Variants in PTPN6 observed in about 807,000 individuals in gnomAD.
PTPN6 encodes protein tyrosine phosphatase non-receptor type 6.
Under a neutral mutation model 81.5 loss-of-function variants are expected in PTPN6, and 18 were observed. The observed-to-expected ratio is 0.22, with a 90% CI of 0.15 to 0.33. The LOEUF (loss-of-function observed/expected upper bound fraction) is 0.33, where lower values mean the gene tolerates loss of function less well. Ranked by LOEUF, PTPN6 falls within the 10% of genes least tolerant of loss-of-function variation. The pLI, the probability that PTPN6 is intolerant of heterozygous loss-of-function variation, is 1.00. For synonymous variants in PTPN6, 301 were observed against 310.9 expected, an observed-to-expected ratio of 0.97 and a Z score of 0.33; for missense variants, 500 against 794.2, an observed-to-expected ratio of 0.63 and a Z score of 4.45.
Position 6,951,821 on chromosome 12 carries a change from G to A in PTPN6, c.131+90G>A. On this transcript the variant is annotated intron_variant, in intron 2 of 15. Transcript: ENST00000318974. This position sits in a 1 kb window ranked among gnomAD's most constrained non-coding sequence, Gnocchi z 7.2. The stretch of plus-strand genomic sequence containing the variant: ...CACTCATTCCTGGTTCCCCGTGGCA[G>A]TGCTGACTCCCCGTCTGTTCCCTTG... 1 of 1,595,484 alleles carries A rather than the reference G, an allele frequency of 6.3e-7. No individual in the cohort carries two copies. The highest frequency in any genetic ancestry group is 8.5e-7 in the Non-Finnish European group (1 of 1,174,210).
rs1555147805 is a variant in PTPN6, at chr12:6,951,798, C to T, written c.131+67C>T. 1 of 1,601,784 alleles carries T rather than the reference C, an allele frequency of 6.2e-7. No homozygotes were observed. The highest frequency in any genetic ancestry group is 1.3e-5 in the African/African-American group (1 of 74,816). The stretch of plus-strand genomic sequence containing the variant: ...CTTGTGCCATCCAGGCCCTGAACCA[C>T]TCATTCCTGGTTCCCCGTGGCAGTG... On this transcript the variant is annotated intron_variant, in intron 2 of 15. Transcript: ENST00000318974. This position sits in a 1 kb window ranked among gnomAD's most constrained non-coding sequence, Gnocchi z 7.2.
rs1945991822 is a variant in PTPN6, at chr12:6,954,734, CTG to C, written c.327-68_327-67del. 2.0e-6 allele frequency: 3 copies of C among 1,493,970 alleles called. No individual in the cohort carries two copies. The highest frequency in any genetic ancestry group is 1.4e-5 in the African/African-American group (1 of 72,346). 92.5% of individuals were successfully genotyped at this position (1,493,970 alleles called of 1,614,324 possible). A position where few individuals can be genotyped will look rare whatever the true frequency, so the allele number is the denominator to read the frequency against. Reference sequence around the variant, plus strand: ...TAGGTGCTTGATTTCCGGCCCCTCTCTGTGAATGTCTCTGCTCAGCGCCTTCC... The same window carrying C: ...TAGGTGCTTGATTTCCGGCCCCTCTCTGAATGTCTCTGCTCAGCGCCTTCC... On this transcript the variant is annotated intron_variant, in intron 3 of 15. Transcript: ENST00000318974. The surrounding 1 kb of genome is among the most constrained non-coding windows in gnomAD (Gnocchi z 5.4).
chr12:6,948,565 A>T (rs782757509), upstream of PTPN6, among the ~76,000 whole-genome samples: 20 of 152,030 alleles, frequency 1.3e-4, no homozygotes, highest in Non-Finnish European at 2.9e-5. Flanking sequence ...AAAGAAAGGA[A>T]AGAAAAAGAA....
chr12:6,946,827 A>G, upstream of PTPN6: 1 of 1,391,666 alleles, frequency 7.2e-7, no homozygotes, highest in East Asian at 2.5e-5. Flanking sequence ...GACGTGTGTG[A>G]ACGTGAGTGC....
At position 6,955,455 on chromosome 12, in the gene PTPN6, A is replaced by G. The variant is rs782035997; in HGVS notation, c.717A>G (p.Thr239=). The G allele has an allele frequency of 9.3e-6, 15 of 1,613,916 alleles. No individual in the cohort carries two copies. The Admixed American group carries it at 1.5e-4, about 16-fold the overall frequency. ...ELNKKQESED[T]AKAGFWEEFE... is the part of the protein sequence containing the mutation. ...ACAAGAAGCAGGAGTCCGAGGATACAGCCAAGGCTGGCTTCTGGGAGGAGT... is the reference window on the plus strand; with the variant it reads ...ACAAGAAGCAGGAGTCCGAGGATACGGCCAAGGCTGGCTTCTGGGAGGAGT... The change falls in exon 6 of 16, where the codon ACA becomes ACG. Residue 239 remains threonine, a synonymous_variant. Transcript: ENST00000318974. This position sits in a 1 kb window ranked among gnomAD's most constrained non-coding sequence, Gnocchi z 7.2.
At position 6,958,041 on chromosome 12, in the gene PTPN6, G is replaced by A. The variant is rs371502084; in HGVS notation, c.1329G>A (p.Leu443=). ...AGATCAACCAGCGGCAGGAAAGTCT[G>A]CCTCACGCAGGGCCCATCATCGTGC... ...LDQINQRQES[L]PHAGPIIVHC... Residue 443 remains leucine (L), a synonymous_variant, in exon 11 of 16, where the codon CTG becomes CTA. Transcript: ENST00000318974. The A allele has an allele frequency of 6.8e-6, 11 of 1,612,812 alleles. No individual in the cohort carries two copies. The highest frequency in any genetic ancestry group is 8.5e-6 in the Non-Finnish European group (10 of 1,180,040).
chr12:6,948,657 C>T (rs1555147205), upstream of PTPN6, among the ~76,000 whole-genome samples: 1 of 151,844 alleles, frequency 6.6e-6, no homozygotes, highest in African/African-American at 2.4e-5. Flanking sequence ...AAAGTGACAA[C>T]CGGCTGGGCA....
At chr12:6,946,852 C>T, upstream of PTPN6, 1 of 1,226,466 alleles carries the variant, frequency 8.2e-7, no homozygotes, top group African/African-American at 1.5e-5. Flanking sequence ...TGCCGCTGCC[C>T]TGCGCCTGTT....
chr12:6,958,111 A>G (rs1489708709), intron 11 of PTPN6, 38 bp downstream of exon 11: 1 of 1,603,032 alleles, frequency 6.2e-7, no homozygotes, highest in African/African-American at 1.3e-5. Context: ...GTGACAGCTG[A>G]GAAGTAAATA....
At position 6,954,891 on chromosome 12, in the gene PTPN6, G is replaced by A; in HGVS notation, c.413G>A (p.Ser138Asn). The A allele has an allele frequency of 6.2e-7, 1 of 1,614,250 alleles. No homozygotes were observed. Among genetic ancestry groups the A allele is most frequent in the Non-Finnish European group, 8.5e-7 (1 of 1,180,052 alleles). Residue 138 changes from serine (S) to asparagine (N), a missense_variant, in exon 4 of 16, where the codon AGC becomes AAC. By Grantham distance (46) the Ser-to-Asn change is conservative (BLOSUM62 1). Transcript: ENST00000318974. The surrounding 1 kb of genome is among the most constrained non-coding windows in gnomAD (Gnocchi z 5.4). ...GEPWTFLVRE[S>N]LSQPGDFVLS... Reference sequence around the variant, plus strand: ...CCCTGGACGTTTCTTGTGCGTGAGAGCCTCAGCCAGCCTGGAGACTTCGTG... The same window carrying A: ...CCCTGGACGTTTCTTGTGCGTGAGAACCTCAGCCAGCCTGGAGACTTCGTG...
In PTPN6 at chr12:6,959,802, AT is replaced by A; in HGVS notation, c.1362-123del. 9.7e-7 allele frequency: 1 copy of A among 1,026,646 alleles called. No individual in the cohort carries two copies. Among genetic ancestry groups the A allele is most frequent in the Admixed American group, 1.7e-5 (1 of 57,990 alleles). 63.6% of individuals were successfully genotyped at this position (1,026,646 alleles called of 1,614,324 possible). A position where few individuals can be genotyped will look rare whatever the true frequency, so the allele number is the denominator to read the frequency against. On this transcript the variant is annotated intron_variant, in intron 11 of 15. Transcript: ENST00000318974. The surrounding 1 kb of genome is among the most constrained non-coding windows in gnomAD (Gnocchi z 6.6). ...TCACTTGCCCGGTGACCCTGGGCAC[AT>A]TCCCTCCCATCACTGGAGGCTCAGG...
At chr12:6,949,701 G>A (rs907399674), upstream of PTPN6, among the ~76,000 whole-genome samples, 16 of 152,154 alleles carry the variant, frequency 1.1e-4, no homozygotes, top group Non-Finnish European at 2.4e-4. Flanking sequence ...TTTGTCAGGC[G>A]GGGATTCTGA....
chr12:6,950,623 G>A (rs1304454839), upstream of PTPN6, among the ~76,000 whole-genome samples: 1 of 152,160 alleles, frequency 6.6e-6, no homozygotes, highest in East Asian at 1.9e-4. Flanking sequence ...AACTGCATAT[G>A]TTGGTTAGAG....
Position 6,955,502 on chromosome 12 carries a change from G to C in PTPN6, c.747+17G>C, listed in dbSNP as rs782315847. Reference sequence around the variant, plus strand: ...GAGTTTGAGGTGCATGGTGGGGACCGGCAGGGCTGGGGCAGCTGAGGTGGT... The same window carrying C: ...GAGTTTGAGGTGCATGGTGGGGACCCGCAGGGCTGGGGCAGCTGAGGTGGT... On this transcript the variant is annotated intron_variant, in intron 6 of 15. Coordinates refer to ENST00000318974, the MANE Select transcript of PTPN6 (RefSeq NM_002831.6). The surrounding 1 kb of genome is among the most constrained non-coding windows in gnomAD (Gnocchi z 7.2). 3 of 1,610,740 alleles carry C rather than the reference G, an allele frequency of 1.9e-6. No individual in the cohort carries two copies. Among genetic ancestry groups the C allele is most frequent in the Non-Finnish European group, 2.5e-6 (3 of 1,177,484 alleles).
rs147821940 is a variant in PTPN6 at position 6,956,448 on chromosome 12, T to C, written c.954T>C (p.Ala318=). The part of the protein sequence containing the change: ...KNQLLGPDEN[A]KTYIASQGCL... Reference sequence around the variant, plus strand: ...AGCTGCTAGGCCCTGATGAGAACGCTAAGACCTACATCGCCAGCCAGGGTT... The same window carrying C: ...AGCTGCTAGGCCCTGATGAGAACGCCAAGACCTACATCGCCAGCCAGGGTT... The change falls in exon 9 of 16, where the codon GCT becomes GCC. Residue 318 remains alanine (A), a synonymous_variant. Transcript: ENST00000318974. This position sits in a 1 kb window ranked among gnomAD's most constrained non-coding sequence, Gnocchi z 4.1. 1.5e-4 allele frequency: 236 copies of C among 1,614,128 alleles called. 4 individuals are homozygous for C. In the East Asian group the frequency reaches 2.3e-3, roughly 16 times the overall value.
At chr12:6,946,785 G>A, upstream of PTPN6, 1 of 1,572,214 alleles carries the variant, frequency 6.4e-7, no homozygotes, top group Non-Finnish European at 8.7e-7. Flanking sequence ...GTTAGTTTTG[G>A]AGGGAGGGAG....
chr12:6,951,482 T>C lies in PTPN6; in HGVS notation c.-31T>C, dbSNP rs2061674305. On this transcript the variant is annotated 5_prime_UTR_variant, in exon 1 of 16. Transcript: ENST00000318974. The surrounding 1 kb of genome is among the most constrained non-coding windows in gnomAD (Gnocchi z 7.2). ...AGACTAGCTGCACCTCCTCATTCCC[T>C]GCGCCCCCTTCCTCTCCGGAAGCCC... 2 of 1,613,618 alleles carry C rather than the reference T, an allele frequency of 1.2e-6. No homozygotes were observed. The highest frequency in any genetic ancestry group is 2.2e-5 in the East Asian group (1 of 44,876).
rs1555148999 is a variant in PTPN6, at chr12:6,957,888, A to AG, written c.1207-26dup. 1 of 1,613,720 alleles carries AG rather than the reference A, an allele frequency of 6.2e-7. No homozygotes were observed. Among genetic ancestry groups the AG allele is most frequent in the Non-Finnish European group, 8.5e-7 (1 of 1,179,948 alleles). On this transcript the variant is annotated intron_variant, in intron 10 of 15. Transcript: ENST00000318974. This position sits in a 1 kb window ranked among gnomAD's most constrained non-coding sequence, Gnocchi z 6.5. ...GATGGATGAGGTGTTCCGAGAGAGG[A>AG]GGGGGCACTGACCCTATGTCCTCGG...
chr12:6,955,796 C>G lies in PTPN6; in HGVS notation c.844+40C>G, dbSNP rs1555148559. 1.3e-6 allele frequency: 2 copies of G among 1,568,884 alleles called. No individual in the cohort carries two copies. Among genetic ancestry groups the G allele is most frequent in the South Asian group, 2.2e-5 (2 of 90,088 alleles). On this transcript the variant is annotated intron_variant, in intron 7 of 15. Coordinates refer to ENST00000318974, the MANE Select transcript of PTPN6 (RefSeq NM_002831.6). The surrounding 1 kb of genome is among the most constrained non-coding windows in gnomAD (Gnocchi z 7.2). Reference sequence around the variant, plus strand: ...TGCCCCATTCACCCAGGATACCGCCCCTGCCCCAGCTGCCTCCCCTCATCT... The same window carrying G: ...TGCCCCATTCACCCAGGATACCGCCGCTGCCCCAGCTGCCTCCCCTCATCT...
Sources: allele counts gnomAD v4.1 joint callset (sites outside exome capture counted in the v4.1 genomes callset), GRCh38; gene constraint gnomAD v4.1.1; non-coding constraint Gnocchi (gnomAD v3.1); transcripts MANE v1.5; gene names NCBI Gene and HGNC (gene_info 2026-07-23, HGNC 2026-07-21).